The following LNPK variants were observed in gnomAD, a reference collection of about 807,000 sequenced individuals.
LNPK encodes endoplasmic reticulum junction formation protein lunapark.
A neutral mutation model predicts 55.2 loss-of-function variants in LNPK; 29 were observed. That is an observed-to-expected ratio of 0.53 (90% CI 0.39 to 0.72). The LOEUF (loss-of-function observed/expected upper bound fraction) is 0.72, where lower values mean the gene tolerates loss of function less well. LNPK is among the 30% of genes least tolerant of loss of function. The pLI, the probability that LNPK is intolerant of heterozygous loss-of-function variation, is 0.00. For synonymous variants in LNPK, 162 were observed against 168.2 expected, an observed-to-expected ratio of 0.96 and a Z score of 0.29; for missense variants, 467 against 494.8, an observed-to-expected ratio of 0.94 and a Z score of 0.53.
chr2:175,993,072 A>G (rs1001109585), intron 3 of LNPK, 110 bp downstream of exon 3: 1 of 658,240 alleles, frequency 1.5e-6, no homozygotes, highest in Non-Finnish European at 2.6e-6. Context: ...CTCACTCTAT[A>G]TCATTTCTAA....
chr2:175,961,187 T>G (rs2105614886), intron 8 of LNPK, among the ~76,000 whole-genome samples: 1 of 152,198 alleles, frequency 6.6e-6, no homozygotes, highest in East Asian at 1.9e-4. Context: ...AAGGAGGGAA[T>G]CCTCCCTAAC....
At chr2:175,997,803 T>C (rs892402021) in intron 1 of LNPK, among the ~76,000 whole-genome samples, 58 of 151,582 alleles carry the variant, frequency 3.8e-4, no homozygotes, top group African/African-American at 1.3e-3. Flanking sequence ...TGGTGCGATC[T>C]TGGCTCAATA....
intron 9 of LNPK, among the ~76,000 whole-genome samples, chr2:175,944,520 G>C (rs1033400471): frequency 6.6e-6 from 1 of 152,072 alleles, no homozygotes; most frequent in African/African-American, 2.4e-5. Context: ...AACACAGAAG[G>C]CACTGAGAAG....
intron 9 of LNPK, chr2:175,940,941 A>G: frequency 2.2e-6 from 1 of 454,274 alleles, no homozygotes; most frequent in East Asian, 7.1e-5. Flanking sequence ...TTTAAGACAT[A>G]GCAATAGAAA....
At chr2:175,980,473 T>C (rs1489821538) in intron 4 of LNPK, among the ~76,000 whole-genome samples, 1 of 152,206 alleles carries the variant, frequency 6.6e-6, no homozygotes, top group East Asian at 1.9e-4. Context: ...TCTTTAGGCC[T>C]TGCATTAGTA....
In LNPK at chr2:175,992,472, TA is replaced by T. The variant is rs1305991717; in HGVS notation, c.70-55del. The stretch of plus-strand genomic sequence containing the variant: ...TAAATTTCAAACTTCATAAAGAAAT[TA>T]AAATGTTAAAAAATTTTAGCAGGAA... On this transcript the variant is annotated intron_variant, in intron 3 of 12. Transcript: ENST00000272748. 20 of 1,112,320 alleles carry T rather than the reference TA, an allele frequency of 1.8e-5. No homozygotes were observed. In the East Asian group the frequency reaches 5.6e-4, roughly 31 times the overall value. The allele number at this position is 1,112,320 out of a possible 1,614,324, so 68.9% of individuals were successfully genotyped here. A position where few individuals can be genotyped will look rare whatever the true frequency, so the allele number is the denominator to read the frequency against.
At chr2:175,946,694 G>A (rs922082424) in intron 9 of LNPK, among the ~76,000 whole-genome samples, 1 of 151,942 alleles carries the variant, frequency 6.6e-6, no homozygotes, top group African/African-American at 2.4e-5. Flanking sequence ...TTATATATTA[G>A]TAATTAGTCA....
chr2:175,945,510 GA>G (rs758611547), intron 9 of LNPK, among the ~76,000 whole-genome samples: 21,059 of 105,484 alleles, frequency 0.2, 1,448 homozygotes, highest in Non-Finnish European at 0.23. Context: ...TGTCTCAAAA[GA>G]AAAAAAAAAA....
At chr2:175,931,353 G>A (rs976534826) in intron 12 of LNPK, among the ~76,000 whole-genome samples, 20 of 152,090 alleles carry the variant, frequency 1.3e-4, no homozygotes, top group Non-Finnish European at 2.4e-4. Flanking sequence ...AAATTGTTTT[G>A]CAAAGAAATT....
rs1389801872 is a variant in LNPK at position 175,937,477 on chromosome 2, T to G, written c.921A>C (p.Ala307=). Residue 307 remains alanine, a synonymous_variant, in exon 12 of 13, where the codon GCA becomes GCC. Coordinates refer to ENST00000272748, the MANE Select transcript of LNPK (RefSeq NM_030650.3). ...TTGGAGCCTGAGGTCTGGTTTTTCT[T>G]GCAGGGTTCAAGAAAAAACAGTAGG... ...RCAYCFFLNP[A]RKTRPQAPRL... 1 of 1,613,572 alleles carries G rather than the reference T, an allele frequency of 6.2e-7. No individual in the cohort carries two copies. The highest frequency in any genetic ancestry group is 2.2e-5 in the East Asian group (1 of 44,836).
In LNPK at chr2:175,930,032, T is replaced by A. The variant is rs773669307; in HGVS notation, c.1222A>T (p.Thr408Ser). ...EEASVIETNS[T>S]VPGADSIPDP... is the part of the protein sequence containing the mutation. Reference sequence around the variant, plus strand: ...GGAATAGAATCAGCTCCAGGAACTGTGGAGTTGGTTTCAATCACTGAGGCT... The same window carrying A: ...GGAATAGAATCAGCTCCAGGAACTGAGGAGTTGGTTTCAATCACTGAGGCT... Residue 408 changes from threonine to serine, a missense_variant, in exon 13 of 13, where the codon ACA (threonine) becomes TCA (serine). Coordinates refer to ENST00000272748, the MANE Select transcript of LNPK (RefSeq NM_030650.3). 20 of 1,614,050 alleles carry A rather than the reference T, an allele frequency of 1.2e-5. No individual in the cohort carries two copies. The highest frequency in any genetic ancestry group is 8.5e-7 in the Non-Finnish European group (1 of 1,179,948).
chr2:175,941,045 C>G (rs1041850357), intron 9 of LNPK: 15 of 443,192 alleles, frequency 3.4e-5, no homozygotes, highest in African/African-American at 2.9e-4. Flanking sequence ...CTCAGGTGTT[C>G]AAGACCAGCC....
chr2:175,999,395 G>C (rs12467858), intron 1 of LNPK, among the ~76,000 whole-genome samples: 3 of 152,102 alleles, frequency 2.0e-5, no homozygotes. Context: ...GTAAAAGAGG[G>C]ATAGTTAAGG....
At chr2:176,002,474 C>T, upstream of LNPK, 1 of 290,036 alleles carries the variant, frequency 3.4e-6, no homozygotes, top group Non-Finnish European at 6.8e-6. Flanking sequence ...TTATGTACTG[C>T]CATTTATTAT....
rs546028099 is a variant in LNPK, at chr2:175,925,432, G to A, written c.*4535C>T. On this transcript the variant is annotated 3_prime_UTR_variant, in exon 13 of 13. Coordinates refer to ENST00000272748, the MANE Select transcript of LNPK (RefSeq NM_030650.3). ...GAAAAGCTCAAGAAGGCTGGGAGAT[G>A]AGAAAAGACTGCATATGCAAAACAC... 1 of 152,188 alleles carries A rather than the reference G, an allele frequency of 6.6e-6. No individual in the cohort carries two copies. Among genetic ancestry groups the A allele is most frequent in the African/African-American group, 2.4e-5 (1 of 41,454 alleles). The allele number at this position is 152,188 out of a possible 1,614,324, so 9.4% of individuals were successfully genotyped here.
intron 1 of LNPK, among the ~76,000 whole-genome samples, chr2:175,997,849 T>C (rs1688004679): frequency 6.6e-6 from 1 of 151,306 alleles, no homozygotes. Flanking sequence ...AATTCTCCCA[T>C]CTCAGTCTCC....
In LNPK at chr2:175,996,018, G is replaced by A. The variant is rs181178724; in HGVS notation, c.-62-372C>T. Among the ~76,000 whole-genome samples, 322 of 151,712 alleles carry A rather than the reference G, an allele frequency of 2.1e-3. 1 individual carries two copies. The highest frequency in any genetic ancestry group is 0.014 in the Middle Eastern group (4 of 294). ...GGTAGAGACGGGGTTTTGCTATGTT[G>A]GCCAGGCTGGTCTTGAACTCCTGGC... On this transcript the variant is annotated intron_variant, in intron 1 of 12. Coordinates refer to ENST00000272748, the MANE Select transcript of LNPK (RefSeq NM_030650.3).
intron 3 of LNPK, among the ~76,000 whole-genome samples, chr2:175,992,821 C>T (rs1687764069): frequency 6.6e-6 from 1 of 152,098 alleles, no homozygotes; most frequent in African/African-American, 2.4e-5. Context: ...CTATTTATCA[C>T]TCTCAATATT....
At position 175,927,112 on chromosome 2, in the gene LNPK, A is replaced by G. The variant is rs1314083748; in HGVS notation, c.*2855T>C. ...GAACACCAACACTTACAGGACGTTG[A>G]GAGCAAGAGGCCAGAGAAATAAGAG... On this transcript the variant is annotated 3_prime_UTR_variant, in exon 13 of 13. Coordinates refer to ENST00000272748, the MANE Select transcript of LNPK (RefSeq NM_030650.3). 1 of 152,252 alleles carries G rather than the reference A, an allele frequency of 6.6e-6. No individual in the cohort carries two copies. Among genetic ancestry groups the G allele is most frequent in the Non-Finnish European group, 1.5e-5 (1 of 68,054 alleles). The allele number at this position is 152,252 out of a possible 1,614,324, so 9.4% of individuals were successfully genotyped here.
Sources: gnomAD v4.1 joint callset for allele counts (sites outside exome capture counted in the v4.1 genomes callset) on GRCh38, gnomAD v4.1.1 for gene constraint, MANE v1.5 for transcripts, NCBI Gene and HGNC (gene_info 2026-07-23, HGNC 2026-07-21) for gene names.